PANK3: variants seen among roughly 807,000 people sequenced by gnomAD.
The protein encoded by PANK3 is hPanK3.
In PANK3, 20 loss-of-function variants were observed where a neutral mutation model predicts 39.4. The observed-to-expected ratio is 0.51, with a 90% CI of 0.36 to 0.74. The LOEUF (loss-of-function observed/expected upper bound fraction) is 0.74. Ranked by LOEUF, PANK3 falls within the 30% of genes least tolerant of loss-of-function variation. The probability of loss-of-function intolerance (pLI) is 0.00; values close to 1 mark genes in which losing one functional copy is unlikely to be tolerated. For synonymous variants in PANK3, 140 were observed against 157.3 expected, an observed-to-expected ratio of 0.89 and a Z score of 0.82; for missense variants, 265 against 437.0, an observed-to-expected ratio of 0.61 and a Z score of 3.51.
intron 1 of PANK3, among the ~76,000 whole-genome samples, chr5:168,575,077 A>C (rs1452377463): frequency 6.6e-6 from 1 of 152,190 alleles, no homozygotes; most frequent in African/African-American, 2.4e-5. Flanking sequence ...TAAAAAGCAA[A>C]ACAAAACACA....
At chr5:168,558,803 C>A (rs1446233352) in intron 6 of PANK3, among the ~76,000 whole-genome samples, 2 of 152,090 alleles carry the variant, frequency 1.3e-5, no homozygotes, top group African/African-American at 2.4e-5. Context: ...AAAGAGTGAT[C>A]CTGTCTCCAC....
chr5:168,569,352 T>C (rs1203305340), intron 1 of PANK3, among the ~76,000 whole-genome samples: 1 of 142,562 alleles, frequency 7.0e-6, no homozygotes, highest in Non-Finnish European at 1.5e-5. Flanking sequence ...GCCTGCCTAA[T>C]TTTTTTTTTT....
intron 4 of PANK3, among the ~76,000 whole-genome samples, chr5:168,561,804 G>A (rs1170950527): frequency 6.6e-6 from 1 of 152,058 alleles, no homozygotes. Flanking sequence ...AAACAAATTA[G>A]CCAAAATTAC....
At chr5:168,566,310 A>G (rs767893712) in intron 2 of PANK3, 44 bp from the exon 3 acceptor site, 4 of 1,546,216 alleles carry the variant, frequency 2.6e-6, no homozygotes, top group East Asian at 4.5e-5. Flanking sequence ...TGACATTCAA[A>G]AACACTCAAC....
At chr5:168,565,923 T>C in intron 3 of PANK3, 90 bp downstream of exon 3, 3 of 1,088,688 alleles carry the variant, frequency 2.8e-6, no homozygotes, top group Non-Finnish European at 3.8e-6. Context: ...CATGCTCTTT[T>C]ACTGGTGAAA....
chr5:168,570,065 A>C (rs775731474), intron 1 of PANK3, among the ~76,000 whole-genome samples: 2 of 151,924 alleles, frequency 1.3e-5, no homozygotes, highest in Non-Finnish European at 2.9e-5. Flanking sequence ...ACAAACCCAA[A>C]AAGCAATTCC....
At chr5:168,575,679 G>T (rs1759719228) in intron 1 of PANK3, among the ~76,000 whole-genome samples, 1 of 152,122 alleles carries the variant, frequency 6.6e-6, no homozygotes, top group South Asian at 2.1e-4. Context: ...CTAGCTACTG[G>T]GGAGGCTGAG....
At chr5:168,569,030 A>AAAAATATATATATATAT (rs1554125888) in intron 1 of PANK3, 32 bp from the exon 2 acceptor site, 89 of 120,238 alleles carry the variant, frequency 7.4e-4, no homozygotes, top group African/African-American at 1.6e-3. Context: ...AAAAAAAAAA[A>AAAAATATATATATATAT]ATATATATAT....
chr5:168,554,909 G>T lies in PANK3; in HGVS notation c.*2662C>A, dbSNP rs148522993. 1.5e-3 allele frequency: 225 copies of T among 152,290 alleles called. 2 individuals carry two copies. Among genetic ancestry groups the T allele is most frequent in the African/African-American group, 5.0e-3 (209 of 41,572 alleles). The allele number at this position is 152,290 out of a possible 1,614,324, so 9.4% of individuals were successfully genotyped here. A position where few individuals can be genotyped will look rare whatever the true frequency, so the allele number is the denominator to read the frequency against. On this transcript the variant is annotated 3_prime_UTR_variant, in exon 7 of 7. Coordinates refer to ENST00000239231, the MANE Select transcript of PANK3 (RefSeq NM_024594.4). ...TTCATCACTGTACTTTGGTTAATGT[G>T]AACTATGATTCATATATTTTATCCT... is the stretch of plus-strand genomic sequence containing the variant.
chr5:168,575,106 A>C (rs1759711564), intron 1 of PANK3, among the ~76,000 whole-genome samples: 2 of 152,162 alleles, frequency 1.3e-5, no homozygotes, highest in South Asian at 2.1e-4. Context: ...AAATATAAGC[A>C]CTTTGATGAT....
intron 1 of PANK3, among the ~76,000 whole-genome samples, chr5:168,577,784 G>C (rs1759751414): frequency 6.6e-6 from 1 of 152,160 alleles, no homozygotes. Context: ...ACCACCACAA[G>C]AGTCAGAATT....
At chr5:168,567,661 T>A (rs1255077110) in intron 2 of PANK3, among the ~76,000 whole-genome samples, 1 of 152,194 alleles carries the variant, frequency 6.6e-6, no homozygotes, top group East Asian at 1.9e-4. Context: ...CTGTCACCCA[T>A]GCTGGAGTGC....
chr5:168,561,367 A>T, intron 5 of PANK3, 26 bp downstream of exon 5: 1 of 1,555,890 alleles, frequency 6.4e-7, no homozygotes, highest in Non-Finnish European at 8.7e-7. Flanking sequence ...TTGATAATTC[A>T]AGTTTTGTGT....
chr5:168,576,750 C>CAT (rs1199680966), intron 1 of PANK3, among the ~76,000 whole-genome samples: 1 of 151,446 alleles, frequency 6.6e-6, no homozygotes, highest in Non-Finnish European at 1.5e-5. Context: ...AAGAAAATGC[C>CAT]ATACACACAC....
At chr5:168,576,425 C>T (rs1759731455) in intron 1 of PANK3, among the ~76,000 whole-genome samples, 1 of 152,164 alleles carries the variant, frequency 6.6e-6, no homozygotes, top group African/African-American at 2.4e-5. Context: ...AAAATCTGTA[C>T]CCTAAGAAAT....
chr5:168,559,304 T>C lies in PANK3; in HGVS notation c.937-147A>G, dbSNP rs903312318. Reference sequence around the variant, plus strand: ...TATAACACCTACTACATTCCTGGCATATAGCTGTATAATCCTGAATATTTA... The same window carrying C: ...TATAACACCTACTACATTCCTGGCACATAGCTGTATAATCCTGAATATTTA... On this transcript the variant is annotated intron_variant, in intron 5 of 6. Transcript: ENST00000239231. The C allele has an allele frequency of 5.7e-6, 3 of 526,202 alleles. No homozygotes were observed. The Admixed American group carries it at 1.1e-4, about 19-fold the overall frequency. 32.6% of individuals were successfully genotyped at this position (526,202 alleles called of 1,614,324 possible).
chr5:168,569,969 G>A (rs1233264400), intron 1 of PANK3, among the ~76,000 whole-genome samples: 1 of 152,136 alleles, frequency 6.6e-6, no homozygotes, highest in East Asian at 1.9e-4. Flanking sequence ...AGGATCACTT[G>A]AGTCCAGGAG....
chr5:168,575,227 G>C (rs557281453), intron 1 of PANK3, among the ~76,000 whole-genome samples: 3 of 152,140 alleles, frequency 2.0e-5, no homozygotes, highest in Non-Finnish European at 4.4e-5. Flanking sequence ...GGTCTTATGA[G>C]AGTTGACATT....
At chr5:168,569,883 C>T (rs575874171) in intron 1 of PANK3, among the ~76,000 whole-genome samples, 186 of 152,036 alleles carry the variant, frequency 1.2e-3, no homozygotes, top group South Asian at 2.1e-3. Flanking sequence ...AAGATCCTGT[C>T]TCCGCAAAAA....
Sources: gnomAD v4.1 joint callset for allele counts (sites outside exome capture counted in the v4.1 genomes callset) on GRCh38, gnomAD v4.1.1 for gene constraint, MANE v1.5 for transcripts, NCBI Gene and HGNC (gene_info 2026-07-23, HGNC 2026-07-21) for gene names.